Variants in EML6 observed in about 807,000 individuals in gnomAD.
The protein encoded by EML6 is echinoderm microtubule-associated protein-like 6.
In EML6, 154 loss-of-function variants were observed where a neutral mutation model predicts 240.1. The ratio of observed to expected loss-of-function variants is 0.64; its 90% CI spans 0.56 to 0.73. The LOEUF is 0.73. Among genes scored for constraint, EML6 ranks in the 30% least tolerant of loss-of-function variants. The pLI, the probability that EML6 is intolerant of heterozygous loss-of-function variation, is 0.00. For missense variants in EML6, 2,964 were observed against 2,474.6 expected, an observed-to-expected ratio of 1.20 and a Z score of -4.20; for synonymous variants, 1,148 against 899.0, an observed-to-expected ratio of 1.28 and a Z score of -4.95.
chr2:54,835,005 T>A (rs1008836319), intron 7 of EML6, among the ~76,000 whole-genome samples: 3 of 152,174 alleles, frequency 2.0e-5, no homozygotes, highest in African/African-American at 4.8e-5. Flanking sequence ...GCCACCACCC[T>A]CCGCATTGCG....
At chr2:54,942,224 GT>G (rs1241886393) in intron 28 of EML6, among the ~76,000 whole-genome samples, 3 of 152,130 alleles carry the variant, frequency 2.0e-5, no homozygotes, top group Non-Finnish European at 4.4e-5. Context: ...CAGAAGTAAA[GT>G]GTTGGAAAAT....
intron 2 of EML6, among the ~76,000 whole-genome samples, chr2:54,751,947 G>A (rs115811391): frequency 6.6e-6 from 1 of 152,150 alleles, no homozygotes; most frequent in African/African-American, 2.4e-5. Context: ...TTAAGGGTTT[G>A]CATTTTGTGT....
intron 26 of EML6, among the ~76,000 whole-genome samples, chr2:54,923,382 C>CAA (rs1674367147): frequency 6.6e-6 from 1 of 151,254 alleles, no homozygotes; most frequent in African/African-American, 2.4e-5. Context: ...CACACACACA[C>CAA]ACACACACAC....
intron 39 of EML6, 100 bp downstream of exon 39, chr2:54,967,203 G>C: frequency 1.3e-6 from 1 of 757,978 alleles, no homozygotes; most frequent in South Asian, 1.7e-5. Context: ...TGAAGAAGCT[G>C]AGAAATGGAG....
chr2:54,882,433 G>A (rs989703680), intron 17 of EML6: 3 of 152,028 alleles, frequency 2.0e-5, no homozygotes, highest in African/African-American at 7.2e-5. Context: ...GTACATCTGT[G>A]CTCCTTTATT....
intron 35 of EML6, among the ~76,000 whole-genome samples, chr2:54,961,190 T>G (rs1015649978): frequency 1.8e-5 from 2 of 109,314 alleles, no homozygotes; most frequent in Admixed American, 9.8e-5. Flanking sequence ...AGTAGTTTTT[T>G]TTTTTTTTTT....
At chr2:54,780,039 C>T (rs2116437) in intron 2 of EML6, among the ~76,000 whole-genome samples, 14,956 of 151,966 alleles carry the variant, frequency 0.098, 891 homozygotes, top group East Asian at 0.19. Context: ...CCCACTCCCA[C>T]CTCCTAATTC....
At chr2:54,869,390 G>A in intron 15 of EML6, 23 bp downstream of exon 15, 2 of 1,474,766 alleles carry the variant, frequency 1.4e-6, no homozygotes, top group Middle Eastern at 1.8e-4. Flanking sequence ...TGTAAACTAG[G>A]GCCTAGCCAA....
At chr2:54,739,245 A>G (rs1558517193) in intron 2 of EML6, among the ~76,000 whole-genome samples, 1 of 152,232 alleles carries the variant, frequency 6.6e-6, no homozygotes, top group South Asian at 2.1e-4. Flanking sequence ...TATAATTACT[A>G]TGATTTAAAA....
chr2:54,771,713 G>C (rs1668408818), intron 2 of EML6, among the ~76,000 whole-genome samples: 1 of 152,238 alleles, frequency 6.6e-6, no homozygotes, highest in Admixed American at 6.5e-5. Flanking sequence ...CCTCACAGTT[G>C]TCCGATAATC....
At chr2:54,769,986 G>T (rs1668341763) in intron 2 of EML6, among the ~76,000 whole-genome samples, 1 of 151,900 alleles carries the variant, frequency 6.6e-6, no homozygotes, top group East Asian at 1.9e-4. Context: ...TTATATTATT[G>T]TAATTTAGAA....
chr2:54,970,222 C>T lies in EML6; in HGVS notation c.*127C>T, dbSNP rs1004320520. 1.1e-6 allele frequency: 1 copy of T among 886,948 alleles called. No homozygotes were observed. The highest frequency in any genetic ancestry group is 1.8e-6 in the Non-Finnish European group (1 of 549,628). The allele number at this position is 886,948 out of a possible 1,614,324, so 54.9% of individuals were successfully genotyped here. On this transcript the variant is annotated 3_prime_UTR_variant, in exon 42 of 42. Transcript: ENST00000356458. ...TACCATGCTGCCCCGGATGCACAAGCTCAAAACGCTGCAGAAGTTACACAA... is the reference window on the plus strand; with the variant it reads ...TACCATGCTGCCCCGGATGCACAAGTTCAAAACGCTGCAGAAGTTACACAA...
intron 17 of EML6, chr2:54,880,567 A>AC: frequency 6.6e-6 from 1 of 152,212 alleles, no homozygotes; most frequent in East Asian, 1.9e-4. Context: ...ACTCCAACTG[A>AC]CCATCTTCGG....
chr2:54,863,954 C>A, intron 13 of EML6, 65 bp downstream of exon 13: 2 of 854,178 alleles, frequency 2.3e-6, no homozygotes, highest in Non-Finnish European at 3.7e-6. Flanking sequence ...TGGATTTGGA[C>A]ATAGCACTAA....
intron 2 of EML6, among the ~76,000 whole-genome samples, chr2:54,764,305 A>T (rs17046292): frequency 0.089 from 13,545 of 152,274 alleles, 841 homozygotes; most frequent in East Asian, 0.21. Flanking sequence ...CACGTTATGA[A>T]GTTGGAAAAT....
chr2:54,794,760 A>C (rs1465997414), intron 2 of EML6, among the ~76,000 whole-genome samples: 1 of 152,168 alleles, frequency 6.6e-6, no homozygotes, highest in Non-Finnish European at 1.5e-5. Flanking sequence ...TTCAGCTTAC[A>C]AAAATTGTAC....
intron 6 of EML6, among the ~76,000 whole-genome samples, chr2:54,828,893 G>A (rs1269443994): frequency 6.6e-6 from 1 of 152,220 alleles, no homozygotes; most frequent in Non-Finnish European, 1.5e-5. Flanking sequence ...ACCTTTGTGA[G>A]CTCACTGAGG....
At chr2:54,796,971 G>A (rs772013880) in intron 2 of EML6, among the ~76,000 whole-genome samples, 17 of 151,724 alleles carry the variant, frequency 1.1e-4, no homozygotes, top group Non-Finnish European at 2.5e-4. Context: ...AGACCATACT[G>A]GCTAACGTGG....
chr2:54,967,316 T>C, intron 39 of EML6: 1 of 341,648 alleles, frequency 2.9e-6, no homozygotes. Context: ...AAGCCCCTCT[T>C]TTTGTGTAAT....
Sources: gnomAD v4.1 joint callset for allele counts (sites outside exome capture counted in the v4.1 genomes callset) on GRCh38, gnomAD v4.1.1 for gene constraint, MANE v1.5 for transcripts, NCBI Gene and HGNC (gene_info 2026-07-23, HGNC 2026-07-21) for gene names.